COL21A1: variants seen among roughly 807,000 people sequenced by gnomAD.
The protein encoded by COL21A1 is collagen type XXI alpha 1 chain, also known as collagen alpha-1(XXI) chain.
COL21A1 carries 149 observed loss-of-function variants against 137.9 expected under a neutral mutation model. The observed-to-expected ratio is 1.08, with a 90% CI of 0.95 to 1.24. The LOEUF (loss-of-function observed/expected upper bound fraction) is 1.24, where lower values mean the gene tolerates loss of function less well. Among genes scored for constraint, COL21A1 ranks in the 50% most tolerant of loss-of-function variants. The pLI is 0.00. For synonymous variants in COL21A1, 456 were observed against 391.5 expected, an observed-to-expected ratio of 1.16 and a Z score of -1.95; for missense variants, 1,167 against 1,158.4, an observed-to-expected ratio of 1.01 and a Z score of -0.11.
chr6:56,203,527 G>T (rs1779543874), intron 1 of COL21A1, among the ~76,000 whole-genome samples: 1 of 152,196 alleles, frequency 6.6e-6, no homozygotes, highest in African/African-American at 2.4e-5. Flanking sequence ...CAGATCTGGG[G>T]CATGTGAGAC....
chr6:56,392,282 A>G (rs1049568335), intron 1 of COL21A1, among the ~76,000 whole-genome samples: 2 of 152,170 alleles, frequency 1.3e-5, no homozygotes, highest in Non-Finnish European at 2.9e-5. Flanking sequence ...AAAAAATTTG[A>G]TAAAATTTAA....
chr6:56,239,690 CTGT>C (rs1481904505), intron 1 of COL21A1, among the ~76,000 whole-genome samples: 1 of 152,094 alleles, frequency 6.6e-6, no homozygotes, highest in Non-Finnish European at 1.5e-5. Flanking sequence ...GAAGAAAAAG[CTGT>C]TATTACTCAC....
chr6:56,163,941 G>A (rs1011103993), intron 9 of COL21A1, among the ~76,000 whole-genome samples: 3 of 152,128 alleles, frequency 2.0e-5, no homozygotes, highest in Non-Finnish European at 4.4e-5. Context: ...ATGATTAAGT[G>A]AAATAAATGT....
chr6:56,144,134 T>G (rs1040405642), intron 10 of COL21A1, among the ~76,000 whole-genome samples: 1 of 152,250 alleles, frequency 6.6e-6, no homozygotes, highest in Non-Finnish European at 1.5e-5. Flanking sequence ...GCTCTGTCAC[T>G]GCTAGCAATG....
intron 1 of COL21A1, among the ~76,000 whole-genome samples, chr6:56,360,753 C>T (rs76195872): frequency 1.3e-5 from 2 of 152,152 alleles, no homozygotes; most frequent in Non-Finnish European, 2.9e-5. Flanking sequence ...CAGCAACAAC[C>T]CTCACCTTTT....
intron 1 of COL21A1, among the ~76,000 whole-genome samples, chr6:56,386,981 C>T (rs919476424): frequency 2.0e-5 from 3 of 152,212 alleles, no homozygotes; most frequent in Non-Finnish European, 2.9e-5. Context: ...GGCCAGATGG[C>T]CTAGAGTGCT....
rs555934866 is a variant in COL21A1, at chr6:56,191,936, C to G, written c.-38-9280G>C. On this transcript the variant is annotated intron_variant, in intron 1 of 29. Transcript: ENST00000244728. Reference sequence around the variant, plus strand: ...GAACAAAGCTGGAGGCATCATGCTACCTGACTCCAAACTATACTACGAGGC... The same window carrying G: ...GAACAAAGCTGGAGGCATCATGCTAGCTGACTCCAAACTATACTACGAGGC... Among the ~76,000 whole-genome samples, 4 of 152,262 alleles carry G rather than the reference C, an allele frequency of 2.6e-5. No homozygotes were observed. The East Asian group carries it at 7.7e-4, about 29-fold the overall frequency.
chr6:56,283,682 T>C (rs1436021345), intron 1 of COL21A1, among the ~76,000 whole-genome samples: 5 of 152,074 alleles, frequency 3.3e-5, no homozygotes, highest in South Asian at 4.1e-4. Context: ...TTCCAACAGA[T>C]GAATGAAAGA....
intron 9 of COL21A1, among the ~76,000 whole-genome samples, chr6:56,162,936 C>T (rs1776296009): frequency 6.6e-6 from 1 of 152,062 alleles, no homozygotes; most frequent in Non-Finnish European, 1.5e-5. Flanking sequence ...AAAAATAATT[C>T]ACAATAATAC....
intron 1 of COL21A1, among the ~76,000 whole-genome samples, chr6:56,224,216 T>C (rs1303062311): frequency 2.0e-5 from 3 of 152,104 alleles, no homozygotes; most frequent in African/African-American, 7.2e-5. Flanking sequence ...CATGAAGCTG[T>C]GAGTAATAAA....
At chr6:56,374,371 T>G (rs1013648171) in intron 1 of COL21A1, among the ~76,000 whole-genome samples, 1 of 152,158 alleles carries the variant, frequency 6.6e-6, no homozygotes, top group Non-Finnish European at 1.5e-5. Flanking sequence ...GTTTGCTAAT[T>G]CTACCTCCCC....
At chr6:56,083,421 A>G (rs1767964293) in intron 17 of COL21A1, among the ~76,000 whole-genome samples, 1 of 151,720 alleles carries the variant, frequency 6.6e-6, no homozygotes, top group Admixed American at 6.6e-5. Context: ...CCTGCTCTGT[A>G]TTTTTCCACT....
chr6:56,370,011 C>A (rs189265501), intron 1 of COL21A1, among the ~76,000 whole-genome samples: 48 of 152,236 alleles, frequency 3.2e-4, no homozygotes, highest in South Asian at 1.0e-3. Flanking sequence ...AAAATATATG[C>A]TTACGTGTAA....
chr6:56,103,072 A>T (rs1770590780), intron 16 of COL21A1, among the ~76,000 whole-genome samples: 1 of 152,106 alleles, frequency 6.6e-6, no homozygotes. Flanking sequence ...TGAACTTAAC[A>T]CTCATATCAA....
chr6:56,084,675 C>A (rs569077528), intron 17 of COL21A1, among the ~76,000 whole-genome samples: 142 of 152,184 alleles, frequency 9.3e-4, no homozygotes, highest in Non-Finnish European at 1.5e-3. Context: ...AATTTCTTGT[C>A]TTAAAAAGTT....
chr6:56,185,482 G>A (rs1778212570), intron 1 of COL21A1, among the ~76,000 whole-genome samples: 1 of 123,624 alleles, frequency 8.1e-6, no homozygotes, highest in Admixed American at 1.0e-4. Context: ...AGGCCGGACT[G>A]CGGACTGCAG....
rs1768065941 is a variant in COL21A1, at chr6:56,084,570, T to C, written c.1813-6997A>G. On this transcript the variant is annotated intron_variant, in intron 17 of 29. Transcript: ENST00000244728. ...TAAGTAAATAAATATATGTAAGAAG[T>C]GATAAATAATGAACAAAAGGATTAG... Among the ~76,000 whole-genome samples, 3 of 151,908 alleles carry C rather than the reference T, an allele frequency of 2.0e-5. No homozygotes were observed. The South Asian group carries it at 6.2e-4, about 31-fold the overall frequency.
intron 16 of COL21A1, among the ~76,000 whole-genome samples, 190 bp from the exon 17 acceptor site, chr6:56,101,715 T>A (rs1395635205): frequency 6.6e-6 from 1 of 152,040 alleles, no homozygotes; most frequent in African/African-American, 2.4e-5. Flanking sequence ...AGTGACTATA[T>A]AAACAACAAA....
intron 1 of COL21A1, among the ~76,000 whole-genome samples, chr6:56,336,985 T>C (rs1765342034): frequency 6.6e-6 from 1 of 152,220 alleles, no homozygotes; most frequent in African/African-American, 2.4e-5. Flanking sequence ...CATTTAAATG[T>C]CCACAAATCT....
Sources: gnomAD v4.1 joint callset for allele counts (sites outside exome capture counted in the v4.1 genomes callset) on GRCh38, gnomAD v4.1.1 for gene constraint, MANE v1.5 for transcripts, NCBI Gene and HGNC (gene_info 2026-07-23, HGNC 2026-07-21) for gene names.